SHANK2: variants seen among roughly 807,000 people sequenced by gnomAD.
The protein encoded by SHANK2 is SH3 and multiple ankyrin repeat domains 2.
A neutral mutation model predicts 133.7 loss-of-function variants in SHANK2; 43 were observed. That is an observed-to-expected ratio of 0.32 (90% CI 0.25 to 0.41). SHANK2 has a LOEUF of 0.41. Among genes scored for constraint, SHANK2 ranks in the 10% least tolerant of loss-of-function variants. The pLI is 1.00. For synonymous variants in SHANK2, 1,017 were observed against 952.8 expected, an observed-to-expected ratio of 1.07 and a Z score of -1.24; for missense variants, 1,994 against 2,235.8, an observed-to-expected ratio of 0.89 and a Z score of 2.18.
At chr11:70,781,715 C>T (rs1241304759) in intron 14 of SHANK2, among the ~76,000 whole-genome samples, 12 of 147,230 alleles carry the variant, frequency 8.2e-5, no homozygotes, top group Non-Finnish European at 1.7e-4. Context: ...GGTATATCTC[C>T]TAATGCTATC....
In SHANK2 at chr11:70,473,342, G is replaced by A. The variant is rs782591697; in HGVS notation, c.5077C>T (p.Arg1693Trp). 6.2e-6 allele frequency: 10 copies of A among 1,613,180 alleles called. No individual in the cohort carries two copies. Among genetic ancestry groups the A allele is most frequent in the East Asian group, 2.2e-5 (1 of 44,890 alleles). ...GTSQPITLQS[R>W]PPDYESRTSG... ...GTCCTGCTTTCATAGTCGGGGGGCC[G>A]GCTCTGCAGGGTGATGGGCTGGGAG... The change falls in exon 26 of 26, where the codon CGG (arginine) becomes TGG (tryptophan). Residue 1693 changes from arginine (R) to tryptophan (W), a missense_variant. Arg to Trp is a moderately radical substitution (Grantham distance 101, BLOSUM62 -3). Coordinates refer to ENST00000601538, the MANE Select transcript of SHANK2 (RefSeq NM_012309.5). The surrounding 1 kb of genome is among the most constrained non-coding windows in gnomAD (Gnocchi z 5.9).
intron 17 of SHANK2, among the ~76,000 whole-genome samples, chr11:70,543,134 C>T (rs961290998): frequency 2.6e-5 from 4 of 152,156 alleles, no homozygotes; most frequent in South Asian, 2.1e-4. Flanking sequence ...GTTTGATGGC[C>T]GGGCACCTTT....
chr11:71,200,215 CA>C (rs1458233933), intron 2 of SHANK2, among the ~76,000 whole-genome samples: 3 of 152,294 alleles, frequency 2.0e-5, no homozygotes, highest in African/African-American at 7.2e-5. Context: ...GGAGTCACAT[CA>C]TACGTGGCCT....
At chr11:70,918,367 G>T (rs1950298992) in intron 10 of SHANK2, among the ~76,000 whole-genome samples, 1 of 152,194 alleles carries the variant, frequency 6.6e-6, no homozygotes, top group Non-Finnish European at 1.5e-5. Flanking sequence ...TACAATTTAT[G>T]TCCTAGAATC....
intron 1 of SHANK2, among the ~76,000 whole-genome samples, chr11:71,247,687 T>C (rs1555125215): frequency 6.6e-6 from 1 of 152,188 alleles, no homozygotes; most frequent in East Asian, 1.9e-4. Context: ...GCTCCCGTGC[T>C]GCCTTTCTGC....
intron 3 of SHANK2, among the ~76,000 whole-genome samples, chr11:71,141,136 C>G (rs557578514): frequency 6.6e-6 from 1 of 152,344 alleles, no homozygotes; most frequent in East Asian, 1.9e-4. Flanking sequence ...CCTCCACCTG[C>G]AGGTTACATG....
At chr11:70,901,028 C>A (rs961450974) in intron 10 of SHANK2, among the ~76,000 whole-genome samples, 1 of 152,124 alleles carries the variant, frequency 6.6e-6, no homozygotes, top group South Asian at 2.1e-4. Context: ...AGGTGCCACA[C>A]GCTGCTCTGA....
At chr11:70,794,481 G>A (rs987824354) in intron 14 of SHANK2, among the ~76,000 whole-genome samples, 4 of 152,246 alleles carry the variant, frequency 2.6e-5, no homozygotes, top group East Asian at 1.9e-4. Flanking sequence ...ACTTGCTTCC[G>A]GTGTGGGATG....
At chr11:70,936,724 C>T (rs1555083505) in intron 10 of SHANK2, among the ~76,000 whole-genome samples, 1 of 152,172 alleles carries the variant, frequency 6.6e-6, no homozygotes, top group Non-Finnish European at 1.5e-5. Flanking sequence ...AGAGCTGGTG[C>T]AGGCCGGGTG....
At chr11:70,810,422 T>A (rs2135288634) in intron 12 of SHANK2, among the ~76,000 whole-genome samples, 1 of 152,300 alleles carries the variant, frequency 6.6e-6, no homozygotes, top group East Asian at 1.9e-4. Flanking sequence ...CTGTCTCCTC[T>A]CTGGCTCCCA....
intron 14 of SHANK2, among the ~76,000 whole-genome samples, chr11:70,702,502 T>G (rs1591764719): frequency 6.6e-6 from 1 of 151,920 alleles, no homozygotes; most frequent in Non-Finnish European, 1.5e-5. Context: ...ATCACCATCA[T>G]CAGCACCACC....
intron 16 of SHANK2, 23 bp downstream of exon 16, chr11:70,661,573 A>G: frequency 2.5e-6 from 4 of 1,588,026 alleles, no homozygotes; most frequent in Admixed American, 1.7e-5. Context: ...GAACATATTC[A>G]GGCTCAGAGC....
intron 11 of SHANK2, among the ~76,000 whole-genome samples, chr11:70,896,164 A>T (rs1478186360): frequency 2.0e-5 from 3 of 152,216 alleles, no homozygotes; most frequent in African/African-American, 7.2e-5. Context: ...AGCATAAATT[A>T]AACACTTCCT....
At chr11:71,105,505 T>C (rs1951787644) in intron 6 of SHANK2, among the ~76,000 whole-genome samples, 1 of 142,264 alleles carries the variant, frequency 7.0e-6, no homozygotes, top group African/African-American at 2.6e-5. Context: ...GGCAGGAGAA[T>C]CACTTGAACT....
chr11:70,787,804 T>C (rs1555047022), intron 14 of SHANK2, among the ~76,000 whole-genome samples: 1 of 152,050 alleles, frequency 6.6e-6, no homozygotes, highest in Non-Finnish European at 1.5e-5. Context: ...AGCCTCCAGG[T>C]AAAGGAAACA....
At chr11:70,649,301 C>T (rs568262934) in intron 17 of SHANK2, among the ~76,000 whole-genome samples, 2 of 152,252 alleles carry the variant, frequency 1.3e-5, no homozygotes, top group Admixed American at 1.3e-4. Flanking sequence ...TCTGAAGATC[C>T]TGGGGAGAGG....
intron 15 of SHANK2, among the ~76,000 whole-genome samples, chr11:70,662,424 AG>A (rs1247836714): frequency 6.6e-6 from 1 of 152,046 alleles, no homozygotes; most frequent in Non-Finnish European, 1.5e-5. Flanking sequence ...GAGGGCGGGG[AG>A]GGGGAGCGGC....
At chr11:70,567,432 G>C (rs2059981457) in intron 17 of SHANK2, among the ~76,000 whole-genome samples, 1 of 152,044 alleles carries the variant, frequency 6.6e-6, no homozygotes, top group African/African-American at 2.4e-5. Context: ...TTTGAGACCA[G>C]CCTGGCCAAA....
intron 1 of SHANK2, among the ~76,000 whole-genome samples, chr11:71,245,709 G>C (rs895091896): frequency 1.3e-5 from 2 of 152,260 alleles, no homozygotes; most frequent in Non-Finnish European, 2.9e-5. Flanking sequence ...CCTCGAGGGA[G>C]GGAAAGTCCA....
Sources: allele counts gnomAD v4.1 joint callset (sites outside exome capture counted in the v4.1 genomes callset), GRCh38; gene constraint gnomAD v4.1.1; non-coding constraint Gnocchi (gnomAD v3.1); transcripts MANE v1.5; gene names NCBI Gene and HGNC (gene_info 2026-07-23, HGNC 2026-07-21).